MALRD1: variants seen among roughly 807,000 people sequenced by gnomAD.
The protein encoded by MALRD1 is MAM and LDL receptor class A domain containing 1.
MALRD1 carries 247 observed loss-of-function variants against 242.1 expected under a neutral mutation model. That is an observed-to-expected ratio of 1.02 (90% confidence interval 0.92 to 1.13). MALRD1 has a LOEUF of 1.13. Among genes scored for constraint, MALRD1 ranks in the 50% most tolerant of loss-of-function variants. The pLI, the probability that MALRD1 is intolerant of heterozygous loss-of-function variation, is 0.00. For synonymous variants in MALRD1, 995 were observed against 866.6 expected, an observed-to-expected ratio of 1.15 and a Z score of -2.60; for missense variants, 2,989 against 2,533.1, an observed-to-expected ratio of 1.18 and a Z score of -3.86.
intron 18 of MALRD1, among the ~76,000 whole-genome samples, chr10:19,212,872 A>G (rs1449563589): frequency 6.6e-6 from 1 of 152,192 alleles, no homozygotes; most frequent in Non-Finnish European, 1.5e-5. Flanking sequence ...TTATTTACCA[A>G]ACAAATGTCT....
chr10:19,716,211 G>T (rs1239732252), intron 38 of MALRD1, among the ~76,000 whole-genome samples: 1 of 152,178 alleles, frequency 6.6e-6, no homozygotes, highest in Non-Finnish European at 1.5e-5. Context: ...AAAGGAGGTG[G>T]TATGGTTTGG....
chr10:19,443,405 G>T (rs546041732), intron 28 of MALRD1, among the ~76,000 whole-genome samples: 136 of 152,130 alleles, frequency 8.9e-4, no homozygotes, highest in African/African-American at 3.0e-3. Flanking sequence ...TCTTTTAATT[G>T]CAATGTTAGG....
intron 18 of MALRD1, among the ~76,000 whole-genome samples, chr10:19,242,158 C>G (rs1838816870): frequency 6.6e-6 from 1 of 152,060 alleles, no homozygotes; most frequent in African/African-American, 2.4e-5. Context: ...GTCTCCCAAT[C>G]GTGATGGAAG....
chr10:19,584,820 T>C (rs1340746362), intron 33 of MALRD1, among the ~76,000 whole-genome samples: 3 of 152,006 alleles, frequency 2.0e-5, no homozygotes, highest in African/African-American at 7.3e-5. Context: ...ATGTTGACAG[T>C]GGGGTGTTAA....
intron 18 of MALRD1, among the ~76,000 whole-genome samples, chr10:19,256,650 G>A (rs1281823314): frequency 6.6e-6 from 1 of 152,014 alleles, no homozygotes; most frequent in Non-Finnish European, 1.5e-5. Flanking sequence ...GAAAATCCTG[G>A]TAGACCTCAA....
intron 18 of MALRD1, among the ~76,000 whole-genome samples, chr10:19,228,039 G>A (rs952605169): frequency 2.0e-5 from 3 of 152,152 alleles, no homozygotes; most frequent in East Asian, 3.8e-4. Context: ...TTGGAAAGCA[G>A]TTTGGAAGTT....
At chr10:19,356,522 A>G (rs555004157) in intron 26 of MALRD1, among the ~76,000 whole-genome samples, 7 of 152,330 alleles carry the variant, frequency 4.6e-5, no homozygotes, top group African/African-American at 1.7e-4. Context: ...TTAGCAGCTT[A>G]ACACAAAATC....
intron 10 of MALRD1, among the ~76,000 whole-genome samples, chr10:19,142,611 C>G (rs72790768): frequency 0.069 from 10,545 of 152,280 alleles, 430 homozygotes; most frequent in East Asian, 0.23. Flanking sequence ...ATATCTCATA[C>G]TGCGCTTAGA....
intron 14 of MALRD1, among the ~76,000 whole-genome samples, chr10:19,198,344 A>G (rs896761258): frequency 2.0e-5 from 3 of 152,212 alleles, no homozygotes. Flanking sequence ...AGGGACCAAC[A>G]GAGAGGTGCC....
chr10:19,230,012 G>T (rs188527655), intron 18 of MALRD1, among the ~76,000 whole-genome samples: 5 of 152,200 alleles, frequency 3.3e-5, no homozygotes, highest in Admixed American at 3.3e-4. Flanking sequence ...TCTAGTGGTA[G>T]TGAATAAGTC....
At chr10:19,576,298 G>A (rs1389648460) in intron 33 of MALRD1, among the ~76,000 whole-genome samples, 3 of 152,128 alleles carry the variant, frequency 2.0e-5, no homozygotes, top group East Asian at 3.9e-4. Context: ...ATCCCAAGTC[G>A]TATTTCCACA....
At chr10:19,380,089 C>T (rs1239179865) in intron 26 of MALRD1, among the ~76,000 whole-genome samples, 2 of 151,292 alleles carry the variant, frequency 1.3e-5, no homozygotes, top group Non-Finnish European at 2.9e-5. Context: ...ATTCTCCTGC[C>T]TTAGCCTCCC....
At chr10:19,409,279 C>T (rs1027008021) in intron 28 of MALRD1, among the ~76,000 whole-genome samples, 3 of 151,944 alleles carry the variant, frequency 2.0e-5, no homozygotes, top group Non-Finnish European at 2.9e-5. Flanking sequence ...TTGAAATGAC[C>T]GAATTCCTTC....
chr10:19,417,587 TAA>T (rs1833559054), intron 28 of MALRD1, among the ~76,000 whole-genome samples: 1 of 152,172 alleles, frequency 6.6e-6, no homozygotes, highest in South Asian at 2.1e-4. Context: ...TACTCTTAAG[TAA>T]AGTTTTAATT....
In MALRD1 at chr10:19,324,052, T is replaced by C; in HGVS notation, c.3523T>C (p.Cys1175Arg). 1 of 1,550,662 alleles carries C rather than the reference T, an allele frequency of 6.4e-7. No homozygotes were observed. Among genetic ancestry groups the C allele is most frequent in the Non-Finnish European group, 8.7e-7 (1 of 1,146,886 alleles). The change falls in exon 22 of 40, where the codon TGT becomes CGT. Residue 1175 changes from cysteine to arginine, a missense_variant. Transcript: ENST00000454679. ...TATCATTTCACTCACGGGACCAAAA[T>C]GTACCTTGGTGTTCTGGACACATAT... is the stretch of plus-strand genomic sequence containing the variant. ...TPIISLTGPKCTLVFWTHMNG... is the reference protein window; with the variant it reads ...TPIISLTGPKRTLVFWTHMNG...
At chr10:19,137,537 T>A (rs1205238473) in intron 10 of MALRD1, among the ~76,000 whole-genome samples, 6 of 134,300 alleles carry the variant, frequency 4.5e-5, no homozygotes, top group Non-Finnish European at 9.2e-5. Flanking sequence ...ACATGGGAGG[T>A]GGAGGTTGCC....
intron 38 of MALRD1, among the ~76,000 whole-genome samples, chr10:19,713,358 C>T (rs1834232223): frequency 6.6e-6 from 1 of 152,222 alleles, no homozygotes; most frequent in South Asian, 2.1e-4. Flanking sequence ...ACATAAACCA[C>T]ACTCTGAGTA....
chr10:19,273,073 T>C (rs974075976), intron 19 of MALRD1, among the ~76,000 whole-genome samples: 1 of 152,162 alleles, frequency 6.6e-6, no homozygotes, highest in Non-Finnish European at 1.5e-5. Flanking sequence ...GGTCAAATGG[T>C]ATTTCTGGTT....
At position 19,143,244 on chromosome 10, in the gene MALRD1, A is replaced by T. The variant is rs532806812; in HGVS notation, c.1412-2954A>T. On this transcript the variant is annotated intron_variant, in intron 10 of 39. Transcript: ENST00000454679. ...ATTTATACAATCAAAAGTGGCTTTTATCTTGAGAGCTTCTTTCTTTATGTC... is the reference window on the plus strand; with the variant it reads ...ATTTATACAATCAAAAGTGGCTTTTTTCTTGAGAGCTTCTTTCTTTATGTC... Among the ~76,000 whole-genome samples the T allele has an allele frequency of 2.6e-5, 4 of 152,316 alleles. No individual in the cohort carries two copies. In the East Asian group the frequency reaches 7.7e-4, roughly 29 times the overall value.
Sources: gnomAD v4.1 joint callset for allele counts (sites outside exome capture counted in the v4.1 genomes callset) on GRCh38, gnomAD v4.1.1 for gene constraint, MANE v1.5 for transcripts, NCBI Gene and HGNC (gene_info 2026-07-23, HGNC 2026-07-21) for gene names.